LRRC7: variants seen among roughly 807,000 people sequenced by gnomAD.
LRRC7 encodes the protein leucine-rich repeat-containing protein 7.
In LRRC7, 23 loss-of-function variants were observed where a neutral mutation model predicts 175.7. That is an observed-to-expected ratio of 0.13 (90% confidence interval 0.09 to 0.19). The LOEUF is 0.19. LRRC7 is among the 10% of genes least tolerant of loss of function. The pLI, the probability that LRRC7 is intolerant of heterozygous loss-of-function variation, is 1.00. For missense variants in LRRC7, 1,354 were observed against 1,904.7 expected (o/e 0.71, Z 5.38); for synonymous variants, 685 against 680.9 (o/e 1.01, Z -0.09).
chr1:69,690,550 G>A (rs939682684), intron 2 of LRRC7, among the ~76,000 whole-genome samples: 1 of 152,078 alleles, frequency 6.6e-6, no homozygotes. Context: ...CCTTCCTTTC[G>A]TATTAGCAGT....
intron 7 of LRRC7, among the ~76,000 whole-genome samples, chr1:69,927,409 A>G (rs546039815): frequency 4.5e-4 from 69 of 152,312 alleles, no homozygotes; most frequent in African/African-American, 1.4e-3. Context: ...GTGTTTTCCA[A>G]CTTGGTTCCA....
chr1:69,874,948 C>T (rs1316175593), intron 7 of LRRC7: 1 of 151,874 alleles, frequency 6.6e-6, no homozygotes, highest in African/African-American at 2.4e-5. Context: ...TTGCATATGT[C>T]TCTCAAAAAT....
chr1:69,653,706 T>A (rs1656195262), intron 1 of LRRC7, among the ~76,000 whole-genome samples: 1 of 152,088 alleles, frequency 6.6e-6, no homozygotes, highest in African/African-American at 2.4e-5. Flanking sequence ...TATGCCCTTA[T>A]GATTATTTCA....
At chr1:70,008,758 A>G (rs931048778) in intron 11 of LRRC7, among the ~76,000 whole-genome samples, 6 of 152,196 alleles carry the variant, frequency 3.9e-5, no homozygotes, top group African/African-American at 9.6e-5. Context: ...TATTTGGTCT[A>G]TAGTATCTGT....
chr1:70,113,096 A>G (rs1183231069), intron 26 of LRRC7, among the ~76,000 whole-genome samples: 1 of 152,170 alleles, frequency 6.6e-6, no homozygotes, highest in African/African-American at 2.4e-5. Context: ...TGGGAGAGGT[A>G]AGTTCAGACT....
chr1:69,721,045 A>C (rs1666288269), intron 2 of LRRC7, among the ~76,000 whole-genome samples: 1 of 151,718 alleles, frequency 6.6e-6, no homozygotes, highest in Admixed American at 6.6e-5. Context: ...AATTCTTTTT[A>C]CTTGAAAAAA....
rs1444295139 is a variant in LRRC7, at chr1:70,125,300, A to G, written c.*3413A>G. 4.6e-5 allele frequency among the ~76,000 whole-genome samples: 7 copies of G among 152,328 alleles called. No homozygotes were observed. The Middle Eastern group carries it at 0.01, about 222-fold the overall frequency. On this transcript the variant is annotated 3_prime_UTR_variant, in exon 27 of 27. Coordinates refer to ENST00000651989, the MANE Select transcript of LRRC7 (RefSeq NM_001370785.2). ...AAAAACCACAATTACTTTTGTTCCA[A>G]CCTAGTACATAGATGTAAAACAATC...
In LRRC7 at chr1:69,606,664, G is replaced by A. The variant is rs114817564; in HGVS notation, c.2+38023G>A. Among the ~76,000 whole-genome samples the A allele has an allele frequency of 6.1e-3, 928 of 152,140 alleles. 12 individuals carry two copies. Among genetic ancestry groups the A allele is most frequent in the African/African-American group, 0.021 (864 of 41,508 alleles). ...AGATTTATTAAAGGCTTAAGGTAAA[G>A]TATACTTTTGATGAAGTGTTCATGA... is the stretch of plus-strand genomic sequence containing the variant. On this transcript the variant is annotated intron_variant, in intron 1 of 26. Coordinates refer to ENST00000651989, the MANE Select transcript of LRRC7 (RefSeq NM_001370785.2).
chr1:69,961,188 A>G (rs1352122275), intron 8 of LRRC7, among the ~76,000 whole-genome samples: 1 of 152,214 alleles, frequency 6.6e-6, no homozygotes, highest in Non-Finnish European at 1.5e-5. Flanking sequence ...TACACTAGCA[A>G]TAGTCAAGCT....
chr1:70,099,865 G>T (rs1664688557), intron 25 of LRRC7, among the ~76,000 whole-genome samples: 1 of 151,904 alleles, frequency 6.6e-6, no homozygotes, highest in Non-Finnish European at 1.5e-5. Flanking sequence ...ACAAGTTGGG[G>T]TCCCATATTA....
chr1:69,666,001 A>G (rs1267864598), intron 1 of LRRC7, among the ~76,000 whole-genome samples: 1 of 152,064 alleles, frequency 6.6e-6, no homozygotes, highest in East Asian at 1.9e-4. Context: ...TGTTTCTTCT[A>G]TCCTCAGGTT....
intron 25 of LRRC7, among the ~76,000 whole-genome samples, chr1:70,106,497 A>G (rs1237759883): frequency 6.6e-6 from 1 of 152,166 alleles, no homozygotes; most frequent in Non-Finnish European, 1.5e-5. Flanking sequence ...TTGCCAAATA[A>G]TATTTCATTA....
intron 1 of LRRC7, among the ~76,000 whole-genome samples, chr1:69,601,982 T>C (rs1183511751): frequency 6.6e-6 from 1 of 152,220 alleles, no homozygotes; most frequent in African/African-American, 2.4e-5. Flanking sequence ...AAGAAAACTT[T>C]GAAGTATGTA....
intron 1 of LRRC7, among the ~76,000 whole-genome samples, chr1:69,608,820 C>G (rs1019569745): frequency 1.0e-3 from 68 of 66,726 alleles, no homozygotes; most frequent in African/African-American, 3.9e-3. Context: ...CTGTCTCTCT[C>G]TCTCTCTCTC....
intron 10 of LRRC7, among the ~76,000 whole-genome samples, chr1:69,987,108 G>T (rs1376655512): frequency 6.6e-6 from 1 of 152,298 alleles, no homozygotes; most frequent in South Asian, 2.1e-4. Context: ...GGGCATGGTG[G>T]TGCATGCCTG....
intron 2 of LRRC7, among the ~76,000 whole-genome samples, chr1:69,723,503 T>C (rs370361241): frequency 1.3e-5 from 2 of 152,222 alleles, no homozygotes; most frequent in African/African-American, 4.8e-5. Flanking sequence ...TTTTCCTTTG[T>C]GTTTTACTGG....
rs75076013 is a variant in LRRC7 at position 70,070,523 on chromosome 1, G to A, written c.4231-5554G>A. On this transcript the variant is annotated intron_variant, in intron 23 of 26. Coordinates refer to ENST00000651989, the MANE Select transcript of LRRC7 (RefSeq NM_001370785.2). ...GAGTGATTTTTTAATTAAAACTTGG[G>A]CACTTTTATATTATGTTATAAAACT... Among the ~76,000 whole-genome samples the A allele has an allele frequency of 2.9e-3, 436 of 152,056 alleles. 3 individuals carry two copies. Among genetic ancestry groups the A allele is most frequent in the African/African-American group, 0.01 (427 of 41,462 alleles).
chr1:69,840,957 G>A (rs150993932), intron 7 of LRRC7, among the ~76,000 whole-genome samples: 5 of 152,012 alleles, frequency 3.3e-5, no homozygotes, highest in Non-Finnish European at 7.4e-5. Context: ...TCAAATGAAT[G>A]TTAGATGTCA....
At chr1:69,574,849 T>A (rs1049797719) in intron 1 of LRRC7, among the ~76,000 whole-genome samples, 23 of 152,198 alleles carry the variant, frequency 1.5e-4, no homozygotes, top group Middle Eastern at 3.4e-3. Flanking sequence ...ATGAAAAAAA[T>A]TTCTTCCCTA....
Sources: gnomAD v4.1 joint callset for allele counts (sites outside exome capture counted in the v4.1 genomes callset) on GRCh38, gnomAD v4.1.1 for gene constraint, MANE v1.5 for transcripts, NCBI Gene and HGNC (gene_info 2026-07-23, HGNC 2026-07-21) for gene names.